TEX55: variants seen among roughly 807,000 people sequenced by gnomAD.
TEX55 encodes testis-specific expressed protein 55.
Under a neutral mutation model 44.6 loss-of-function variants are expected in TEX55, and 31 were observed. The ratio of observed to expected loss-of-function variants is 0.69; its 90% CI spans 0.52 to 0.94. TEX55 has a LOEUF of 0.94. TEX55 is among the 40% of genes least tolerant of loss of function. The pLI, the probability that TEX55 is intolerant of heterozygous loss-of-function variation, is 0.00. For missense variants in TEX55, 639 were observed against 638.4 expected, an observed-to-expected ratio of 1.00 and a Z score of -0.01; for synonymous variants, 230 against 230.9, an observed-to-expected ratio of 1.00 and a Z score of 0.04.
At chr3:119,149,910 G>A (rs114374611) in intron 2 of TEX55, among the ~76,000 whole-genome samples, 1,729 of 152,264 alleles carry the variant, frequency 0.011, 15 homozygotes, top group Non-Finnish European at 0.018. Flanking sequence ...AGAATGTGGT[G>A]CTGGAACTTG....
In TEX55 at chr3:119,146,876, G is replaced by A. The variant is rs750895644; in HGVS notation, c.687G>A (p.Gly229=). The A allele has an allele frequency of 2.2e-5, 35 of 1,614,050 alleles. No homozygotes were observed. The highest frequency in any genetic ancestry group is 2.7e-5 in the Non-Finnish European group (32 of 1,180,004). The part of the protein sequence containing the change: ...ERRPSVQIDS[G]SSVPSDQSPS... ...GACCTTCTGTGCAGATTGACAGTGG[G>A]TCATCCGTCCCATCTGACCAAAGTC... The change falls in exon 1 of 3, where the codon GGG becomes GGA. Residue 229 remains glycine, a synonymous_variant. Transcript: ENST00000295622.
At position 119,147,411 on chromosome 3, in the gene TEX55, G is replaced by T. The variant is rs2077738234; in HGVS notation, c.1222G>T (p.Val408Phe). Residue 408 changes from valine to phenylalanine, a missense_variant, in exon 1 of 3, where the codon GTT (valine) becomes TTT (phenylalanine). Coordinates refer to ENST00000295622, the MANE Select transcript of TEX55 (RefSeq NM_152539.3). The part of the protein sequence containing the change: ...SQVDLNSKPS[V>F]EMETQNATTI... ...AGTAGACCTCAATTCCAAGCCTTCA[G>T]TTGAAATGGAAACTCAGAATGCAAC... The T allele has an allele frequency of 2.5e-6, 4 of 1,614,036 alleles. No homozygotes were observed. In the South Asian group the frequency reaches 4.4e-5, roughly 18 times the overall value.
rs2077749920 is a variant in TEX55, at chr3:119,148,293, G to C, written c.1512G>C (p.Met504Ile). 6.2e-7 allele frequency: 1 copy of C among 1,609,940 alleles called. No homozygotes were observed. Among genetic ancestry groups the C allele is most frequent in the Admixed American group, 1.7e-5 (1 of 59,354 alleles). ...CTTACCAAGTTTCACTCCAATACAT[G>C]GAAAAACACCACATTCTGCAAATAT... The part of the protein sequence containing the change: ...EDPYQVSLQY[M>I]EKHHILQIFQ... Residue 504 changes from methionine to isoleucine, a missense_variant, in exon 2 of 3, where the codon ATG (methionine) becomes ATC (isoleucine). Coordinates refer to ENST00000295622, the MANE Select transcript of TEX55 (RefSeq NM_152539.3).
At chr3:119,147,616 C>T (rs565961803) in intron 1 of TEX55, 29 bp downstream of exon 1, 2 of 1,574,686 alleles carry the variant, frequency 1.3e-6, no homozygotes, top group African/African-American at 2.7e-5. Context: ...TGATACCTAC[C>T]TGGGAGATCA....
Position 119,147,469 on chromosome 3 carries a change from G to T in TEX55, c.1280G>T (p.Arg427Ile). ...TIPPYNPVDA[R>I]FTSNFQAKDQ... ...CCACCCTACAACCCAGTTGATGCCA[G>T]ATTCACCAGTAACTTCCAAGCAAAA... The change falls in exon 1 of 3, where the codon AGA becomes ATA. Residue 427 changes from arginine to isoleucine, a missense_variant. Coordinates refer to ENST00000295622, the MANE Select transcript of TEX55 (RefSeq NM_152539.3). The T allele has an allele frequency of 6.2e-7, 1 of 1,614,102 alleles. No individual in the cohort carries two copies. Among genetic ancestry groups the T allele is most frequent in the Non-Finnish European group, 8.5e-7 (1 of 1,180,022 alleles).
chr3:119,146,884 T>C lies in TEX55; in HGVS notation c.695T>C (p.Val232Ala). ...PSVQIDSGSSVPSDQSPSVQI... is the reference protein window; with the variant it reads ...PSVQIDSGSSAPSDQSPSVQI... ...GTGCAGATTGACAGTGGGTCATCCGTCCCATCTGACCAAAGTCCTTCTGTA... is the reference window on the plus strand; with the variant it reads ...GTGCAGATTGACAGTGGGTCATCCGCCCCATCTGACCAAAGTCCTTCTGTA... Residue 232 changes from valine to alanine, a missense_variant, in exon 1 of 3, where the codon GTC becomes GCC. Physicochemically the swap from Val to Ala is moderately conservative, Grantham distance 64 (BLOSUM62 0). Coordinates refer to ENST00000295622, the MANE Select transcript of TEX55 (RefSeq NM_152539.3). 6.2e-7 allele frequency: 1 copy of C among 1,614,066 alleles called. No individual in the cohort carries two copies. The highest frequency in any genetic ancestry group is 8.5e-7 in the Non-Finnish European group (1 of 1,179,982).
At chr3:119,148,012 A>G (rs1439677657) in intron 1 of TEX55, among the ~76,000 whole-genome samples, 168 bp from the exon 2 acceptor site, 2 of 152,154 alleles carry the variant, frequency 1.3e-5, no homozygotes, top group African/African-American at 2.4e-5. Context: ...GAGGTGCATT[A>G]TATTGCACCT....
At chr3:119,151,114 A>AT in intron 2 of TEX55, 110 bp from the exon 3 acceptor site, 1 of 733,688 alleles carries the variant, frequency 1.4e-6, no homozygotes, top group Non-Finnish European at 2.4e-6. Flanking sequence ...TCTGAAAAAA[A>AT]CAAAAGCTAT....
rs1253639027 is a variant in TEX55, at chr3:119,146,325, C to A, written c.136C>A (p.His46Asn). The A allele has an allele frequency of 1.9e-6, 3 of 1,614,034 alleles. No homozygotes were observed. Among genetic ancestry groups the A allele is most frequent in the East Asian group, 4.5e-5 (2 of 44,894 alleles). ...KNQAERKADN[H>N]TAHRIADQTA... ...CCAGGCCGAAAGGAAGGCAGATAAC[C>A]ACACTGCTCACAGAATAGCTGACCA... Residue 46 changes from histidine (H) to asparagine (N), a missense_variant, in exon 1 of 3, where the codon CAC (histidine) becomes AAC (asparagine). Transcript: ENST00000295622.
In TEX55 at chr3:119,146,502, CA is replaced by C; in HGVS notation, c.314del (p.Gln105ArgfsTer33). On this transcript the variant is annotated frameshift_variant, in exon 1 of 3. Coordinates refer to ENST00000295622, the MANE Select transcript of TEX55 (RefSeq NM_152539.3). LOFTEE classifies it high-confidence loss of function. ...ADVSDLRADD[Q>X]VNQTPSEQTK... is the part of the protein sequence containing the mutation. ...TGTTTCTGACCTTAGAGCAGATGAT[CA>C]GGTTAATCAAACACCGTCTGAACAG... The C allele has an allele frequency of 6.2e-7, 1 of 1,614,050 alleles. No individual in the cohort carries two copies. The highest frequency in any genetic ancestry group is 8.5e-7 in the Non-Finnish European group (1 of 1,180,052).
At position 119,146,724 on chromosome 3, in the gene TEX55, G is replaced by A. The variant is rs143587416; in HGVS notation, c.535G>A (p.Asp179Asn). ...TGACCAGAGAGGTTCCAGACAGACC[G>A]ACCACAGAATGGCAGGCCAGTCTGA... ...PSDQRGSRQT[D>N]HRMAGQSERR... Residue 179 changes from aspartate (D) to asparagine (N), a missense_variant, in exon 1 of 3, where the codon GAC becomes AAC. Physicochemically the swap from Asp to Asn is conservative, Grantham distance 23. Transcript: ENST00000295622. 2 of 1,614,214 alleles carry A rather than the reference G, an allele frequency of 1.2e-6. No individual in the cohort carries two copies. The highest frequency in any genetic ancestry group is 1.7e-6 in the Non-Finnish European group (2 of 1,180,038).
intron 2 of TEX55, among the ~76,000 whole-genome samples, chr3:119,148,603 A>T (rs1259536828): frequency 6.6e-6 from 1 of 152,224 alleles, no homozygotes; most frequent in African/African-American, 2.4e-5. Flanking sequence ...ATTGAAAAGA[A>T]GAGAAAAAGG....
At chr3:119,151,199 T>C (rs1376775685) in intron 2 of TEX55, 25 bp from the exon 3 acceptor site, 1 of 1,468,226 alleles carries the variant, frequency 6.8e-7, no homozygotes, top group South Asian at 1.1e-5. Flanking sequence ...AACCATAATG[T>C]GATGCCTTAT....
chr3:119,146,289 G>A lies in TEX55; in HGVS notation c.100G>A (p.Asp34Asn), dbSNP rs779028585. 2 of 1,613,982 alleles carry A rather than the reference G, an allele frequency of 1.2e-6. No individual in the cohort carries two copies. Among genetic ancestry groups the A allele is most frequent in the Non-Finnish European group, 1.7e-6 (2 of 1,180,000 alleles). ...CCACACTAAGGGCCAGGAAGAAGAC[G>A]ACCAGAAGAACCAGGCCGAAAGGAA... Reference protein sequence around the residue: ...AGHTKGQEEDDQKNQAERKAD... With the variant: ...AGHTKGQEEDNQKNQAERKAD... The change falls in exon 1 of 3, where the codon GAC (aspartate) becomes AAC (asparagine). Residue 34 changes from aspartate to asparagine, a missense_variant. Physicochemically the swap from Asp to Asn is conservative, Grantham distance 23. Transcript: ENST00000295622.
At position 119,146,479 on chromosome 3, in the gene TEX55, T is replaced by C. The variant is rs773369766; in HGVS notation, c.290T>C (p.Val97Ala). The change falls in exon 1 of 3, where the codon GTT becomes GCT. Residue 97 changes from valine (V) to alanine (A), a missense_variant. Coordinates refer to ENST00000295622, the MANE Select transcript of TEX55 (RefSeq NM_152539.3). ...AGRRASNPAD[V>A]SDLRADDQVN... ...CGCAGAGCATCCAACCCTGCTGATG[T>C]TTCTGACCTTAGAGCAGATGATCAG... is the stretch of plus-strand genomic sequence containing the variant. 2 of 1,614,126 alleles carry C rather than the reference T, an allele frequency of 1.2e-6. No homozygotes were observed. The highest frequency in any genetic ancestry group is 2.2e-5 in the South Asian group (2 of 91,088).
chr3:119,148,131 G>C (rs747076464), intron 1 of TEX55, 49 bp from the exon 2 acceptor site: 2 of 1,528,528 alleles, frequency 1.3e-6, no homozygotes, highest in Admixed American at 2.0e-5. Context: ...CAATTCCTAG[G>C]CCCTTCAGGT....
intron 2 of TEX55, among the ~76,000 whole-genome samples, chr3:119,149,248 G>A (rs2077759149): frequency 6.6e-6 from 1 of 151,876 alleles, no homozygotes; most frequent in Admixed American, 6.6e-5. Flanking sequence ...TGTAACCGTG[G>A]TTCTATTTTT....
Position 119,146,631 on chromosome 3 carries a change from C to A in TEX55, c.442C>A (p.Arg148=), listed in dbSNP as rs1399473213. 1 of 1,614,098 alleles carries A rather than the reference C, an allele frequency of 6.2e-7. No individual in the cohort carries two copies. The change falls in exon 1 of 3, where the codon CGA becomes AGA. Residue 148 remains arginine (R), a synonymous_variant. Coordinates refer to ENST00000295622, the MANE Select transcript of TEX55 (RefSeq NM_152539.3). ...GGAAAGAACTGCTGAACAGACTGAA[C>A]GAAGATTACCTACCCAGGCTGAGAG... ...TEERTAEQTE[R]RLPTQAERRT...
chr3:119,150,390 T>G (rs1458597357), intron 2 of TEX55, among the ~76,000 whole-genome samples: 2 of 152,100 alleles, frequency 1.3e-5, no homozygotes, highest in Non-Finnish European at 2.9e-5. Flanking sequence ...TAATTAAATG[T>G]GTGTTCAACA....
Sources: allele counts gnomAD v4.1 joint callset (sites outside exome capture counted in the v4.1 genomes callset), GRCh38; gene constraint gnomAD v4.1.1; transcripts MANE v1.5; gene names NCBI Gene and HGNC (gene_info 2026-07-23, HGNC 2026-07-21).